Variants in RGS20 observed in about 807,000 individuals in gnomAD.
The protein encoded by RGS20 is regulator of G protein signaling 20.
In RGS20, 30 loss-of-function variants were observed where a neutral mutation model predicts 33.6. That is an observed-to-expected ratio of 0.89 (90% confidence interval 0.67 to 1.21). The LOEUF (loss-of-function observed/expected upper bound fraction) is 1.21, where lower values mean the gene tolerates loss of function less well. Among genes scored for constraint, RGS20 ranks in the 50% most tolerant of loss-of-function variants. The pLI, the probability that RGS20 is intolerant of heterozygous loss-of-function variation, is 0.00. For synonymous variants in RGS20, 208 were observed against 197.9 expected (o/e 1.05, Z -0.43); for missense variants, 472 against 502.4 (o/e 0.94, Z 0.58).
intron 3 of RGS20, among the ~76,000 whole-genome samples, chr8:53,943,069 CTA>C (rs1316652247): frequency 6.6e-6 from 1 of 151,914 alleles, no homozygotes; most frequent in Non-Finnish European, 1.5e-5. Flanking sequence ...TACATTTATA[CTA>C]TGTTTAAAAA....
chr8:53,870,642 C>G (rs1444905465), intron 1 of RGS20, among the ~76,000 whole-genome samples: 1 of 152,046 alleles, frequency 6.6e-6, no homozygotes, highest in Non-Finnish European at 1.5e-5. Flanking sequence ...AGGCTTTCCT[C>G]CTTGGTCTTT....
At chr8:53,863,361 A>T (rs1253047683) in intron 1 of RGS20, among the ~76,000 whole-genome samples, 1 of 151,906 alleles carries the variant, frequency 6.6e-6, no homozygotes, top group Non-Finnish European at 1.5e-5. Context: ...ACAGCCCTCC[A>T]CCTCACTCCC....
rs772989686 is a variant in RGS20 at position 53,879,596 on chromosome 8, T to C, written c.504T>C (p.Pro168=). 2 of 1,507,206 alleles carry C rather than the reference T, an allele frequency of 1.3e-6. No individual in the cohort carries two copies. The highest frequency in any genetic ancestry group is 1.8e-6 in the Non-Finnish European group (2 of 1,131,036). The allele number at this position is 1,507,206 out of a possible 1,614,324, so 93.4% of individuals were successfully genotyped here. The change falls in exon 2 of 6, where the codon CCT becomes CCC. Residue 168 remains proline, a synonymous_variant. Coordinates refer to ENST00000297313, the MANE Select transcript of RGS20 (RefSeq NM_170587.4). ...ACGCCACCGCTGGGCAGAGCTCGCC[T>C]ATGCCGGTGAGTACCGTGGTCTCCA...
intron 1 of RGS20, among the ~76,000 whole-genome samples, chr8:53,864,383 G>T (rs967827244): frequency 1.4e-5 from 2 of 147,706 alleles, no homozygotes; most frequent in African/African-American, 5.0e-5. Context: ...GCAGTGAGCT[G>T]AGATTGTGCC....
In RGS20 at chr8:53,958,719, T is replaced by A; in HGVS notation, c.*261T>A. The A allele has an allele frequency of 5.5e-6, 1 of 183,428 alleles. No homozygotes were observed. Among genetic ancestry groups the A allele is most frequent in the Non-Finnish European group, 1.1e-5 (1 of 90,188 alleles). The allele number at this position is 183,428 out of a possible 1,614,324, so 11.4% of individuals were successfully genotyped here. On this transcript the variant is annotated 3_prime_UTR_variant, in exon 6 of 6. Coordinates refer to ENST00000297313, the MANE Select transcript of RGS20 (RefSeq NM_170587.4). ...ATTTGCATTTACAATAACAGTAGCATGTTGTCAGTGGCCAAGGCTACACAG... is the reference window on the plus strand; with the variant it reads ...ATTTGCATTTACAATAACAGTAGCAAGTTGTCAGTGGCCAAGGCTACACAG...
intron 2 of RGS20, among the ~76,000 whole-genome samples, chr8:53,882,414 G>T (rs923827826): frequency 2.0e-5 from 3 of 152,236 alleles, no homozygotes; most frequent in African/African-American, 7.2e-5. Context: ...CAGCAGGGAC[G>T]CGGCCGTGCG....
chr8:53,952,256 T>C (rs1814732311), intron 4 of RGS20, among the ~76,000 whole-genome samples: 1 of 131,500 alleles, frequency 7.6e-6, no homozygotes, highest in African/African-American at 2.8e-5. Flanking sequence ...TTTTTTTTTT[T>C]TTTTTTTTTG....
chr8:53,952,772 G>T (rs371270620), intron 4 of RGS20, among the ~76,000 whole-genome samples: 1 of 151,990 alleles, frequency 6.6e-6, no homozygotes, highest in Non-Finnish European at 1.5e-5. Flanking sequence ...CATTTTTCAG[G>T]ATTACATACA....
chr8:53,895,309 C>G (rs1453018215), intron 2 of RGS20, among the ~76,000 whole-genome samples: 1 of 152,110 alleles, frequency 6.6e-6, no homozygotes, highest in Admixed American at 6.6e-5. Context: ...AGGAGAGCTC[C>G]AACTGTGGTG....
chr8:53,928,222 T>G (rs1813857641), intron 2 of RGS20, among the ~76,000 whole-genome samples: 1 of 152,206 alleles, frequency 6.6e-6, no homozygotes, highest in Non-Finnish European at 1.5e-5. Flanking sequence ...TTTTTAATAT[T>G]CATGTTTTAT....
intron 2 of RGS20, among the ~76,000 whole-genome samples, chr8:53,934,695 G>C (rs1489423734): frequency 1.3e-5 from 2 of 152,296 alleles, no homozygotes; most frequent in African/African-American, 2.4e-5. Flanking sequence ...ATATTAGACA[G>C]ATTAACGAGA....
At chr8:53,889,787 G>A (rs1201206026) in intron 2 of RGS20, among the ~76,000 whole-genome samples, 1 of 151,092 alleles carries the variant, frequency 6.6e-6, no homozygotes, top group East Asian at 1.9e-4. Flanking sequence ...CTTCCAGTCT[G>A]GCCTGCCTTT....
intron 1 of RGS20, among the ~76,000 whole-genome samples, chr8:53,863,065 C>T (rs1042047399): frequency 5.9e-5 from 9 of 152,028 alleles, no homozygotes; most frequent in African/African-American, 1.5e-4. Flanking sequence ...CTCGGCTCAC[C>T]GCAACCTCTG....
chr8:53,935,911 G>A (rs1002542534), intron 2 of RGS20, among the ~76,000 whole-genome samples: 5 of 152,050 alleles, frequency 3.3e-5, no homozygotes, highest in Admixed American at 2.0e-4. Context: ...CCATCAAGTC[G>A]GCTTCATCCC....
chr8:53,934,005 A>G (rs529493477), intron 2 of RGS20, among the ~76,000 whole-genome samples: 17 of 152,354 alleles, frequency 1.1e-4, no homozygotes, highest in Admixed American at 3.9e-4. Flanking sequence ...ATCCAGCCAA[A>G]CTATGCTTCA....
At chr8:53,853,235 A>G (rs979504737) in intron 1 of RGS20, among the ~76,000 whole-genome samples, 3 of 152,246 alleles carry the variant, frequency 2.0e-5, no homozygotes, top group African/African-American at 4.8e-5. Flanking sequence ...TGTATGGTGC[A>G]TATGTATGCT....
chr8:53,922,490 A>C (rs1389232263), intron 2 of RGS20, among the ~76,000 whole-genome samples: 1 of 152,068 alleles, frequency 6.6e-6, no homozygotes, highest in East Asian at 1.9e-4. Flanking sequence ...TTTAATCTGC[A>C]CACTTTTCAC....
chr8:53,947,632 T>C (rs1585955357), intron 4 of RGS20, among the ~76,000 whole-genome samples: 1 of 102,404 alleles, frequency 9.8e-6, no homozygotes, highest in African/African-American at 3.7e-5. Context: ...ATGCTATATA[T>C]AGGATATAGT....
At chr8:53,914,073 C>A (rs968955937) in intron 2 of RGS20, among the ~76,000 whole-genome samples, 2 of 148,166 alleles carry the variant, frequency 1.3e-5, no homozygotes, top group Admixed American at 6.7e-5. Context: ...CTCTGTCAGC[C>A]AAGCTGGAGT....
Sources: gnomAD v4.1 joint callset for allele counts (sites outside exome capture counted in the v4.1 genomes callset) on GRCh38, gnomAD v4.1.1 for gene constraint, MANE v1.5 for transcripts, NCBI Gene and HGNC (gene_info 2026-07-23, HGNC 2026-07-21) for gene names.